The following AMACR variants were observed in gnomAD, a reference collection of about 807,000 sequenced individuals.
AMACR encodes alpha-methylacyl-CoA racemase.
In AMACR, 18 loss-of-function variants were observed where a neutral mutation model predicts 22.2. That is an observed-to-expected ratio of 0.81 (90% CI 0.56 to 1.20). AMACR has a LOEUF of 1.20. AMACR is among the 50% of genes most tolerant of loss of function. The pLI is 0.00. For synonymous variants in AMACR, 213 were observed against 191.3 expected (o/e 1.11, Z -0.94); for missense variants, 499 against 490.6 (o/e 1.02, Z -0.16).
rs373950875 is a variant in AMACR at position 33,988,560 on chromosome 5, A to G, written c.*533T>C. ...GGCATTCTGATTCAATACAGGTGAAACTTTTCTTTGCAAATTACAAAGTGT... is the reference window on the plus strand; with the variant it reads ...GGCATTCTGATTCAATACAGGTGAAGCTTTTCTTTGCAAATTACAAAGTGT... On this transcript the variant is annotated 3_prime_UTR_variant, in exon 5 of 5. Coordinates refer to ENST00000335606, the MANE Select transcript of AMACR (RefSeq NM_014324.6). The G allele has an allele frequency of 3.1e-5, 42 of 1,364,330 alleles. No individual in the cohort carries two copies. In the African/African-American group the frequency reaches 6.0e-4, roughly 19 times the overall value. The allele number at this position is 1,364,330 out of a possible 1,614,324, so 84.5% of individuals were successfully genotyped here. A position where few individuals can be genotyped will look rare whatever the true frequency, so the allele number is the denominator to read the frequency against.
In AMACR at chr5:33,988,332, T is replaced by G; in HGVS notation, c.*761A>C. 6.5e-7 allele frequency: 1 copy of G among 1,542,060 alleles called. No homozygotes were observed. The highest frequency in any genetic ancestry group is 8.7e-7 in the Non-Finnish European group (1 of 1,149,332). ...TTTATTTCTGGATGTTGCTGTGTGT[T>G]GGGTATAAGATCCAGAACTTGCTAC... is the stretch of plus-strand genomic sequence containing the variant. On this transcript the variant is annotated 3_prime_UTR_variant, in exon 5 of 5. Transcript: ENST00000335606.
At chr5:34,005,594 T>C (rs1753947666) in intron 2 of AMACR, among the ~76,000 whole-genome samples, 162 bp downstream of exon 2, 1 of 152,202 alleles carries the variant, frequency 6.6e-6, no homozygotes, top group South Asian at 2.1e-4. Flanking sequence ...TTGAGAATGA[T>C]TGTTTCAAGA....
chr5:33,991,795 C>T (rs1465672599), intron 4 of AMACR, among the ~76,000 whole-genome samples: 5 of 151,400 alleles, frequency 3.3e-5, no homozygotes, highest in African/African-American at 9.7e-5. Context: ...GGCTGGAGTG[C>T]GGTGGTGTGA....
In AMACR at chr5:33,997,767, A is replaced by G. The variant is rs116604117; in HGVS notation, c.739+874T>C. The G allele has an allele frequency of 3.4e-3, 1,756 of 512,348 alleles. 8 individuals are homozygous for G. Among genetic ancestry groups the G allele is most frequent in the Non-Finnish European group, 4.0e-3 (1,166 of 291,890 alleles). The allele number at this position is 512,348 out of a possible 1,614,324, so 31.7% of individuals were successfully genotyped here. On this transcript the variant is annotated intron_variant, in intron 4 of 4. Transcript: ENST00000335606. ...CTATATTTGAATAGGTGAAGTTAAT[A>G]TGTTTAATCATAAAATGCTCTCAGA... is the stretch of plus-strand genomic sequence containing the variant.
rs777278136 is a variant in AMACR at position 34,007,894 on chromosome 5, G to A, written c.126C>T (p.Asp42=). The A allele has an allele frequency of 2.5e-6, 4 of 1,601,500 alleles. No homozygotes were observed. In the Admixed American group the frequency reaches 5.1e-5, roughly 20 times the overall value. ...GCTTGCCCCGGCCCAAGCGGCTCAC[G>A]TCGTAGCGGGAGCCGGGCCGGTCCA... ...VRVDRPGSRY[D]VSRLGRGKRS... The change falls in exon 1 of 5, where the codon GAC becomes GAT. Residue 42 remains aspartate (D), a synonymous_variant. Coordinates refer to ENST00000335606, the MANE Select transcript of AMACR (RefSeq NM_014324.6).
rs777508901 is a variant in AMACR at position 33,988,350 on chromosome 5, C to A, written c.*743G>T. 1.9e-6 allele frequency: 3 copies of A among 1,541,346 alleles called. No homozygotes were observed. Among genetic ancestry groups the A allele is most frequent in the Non-Finnish European group, 2.6e-6 (3 of 1,148,986 alleles). ...TGTGTGTTGGGTATAAGATCCAGAA[C>A]TTGCTACCAGCCTGAGGAGAAATCA... On this transcript the variant is annotated 3_prime_UTR_variant, in exon 5 of 5. Coordinates refer to ENST00000335606, the MANE Select transcript of AMACR (RefSeq NM_014324.6).
At position 33,988,655 on chromosome 5, in the gene AMACR, G is replaced by A; in HGVS notation, c.*438C>T. ...GAACACCAAGACAAAAGGCCTGGAT[G>A]CAACCAATCACTCTGTTTCACGTGA... On this transcript the variant is annotated 3_prime_UTR_variant, in exon 5 of 5. Transcript: ENST00000335606. The A allele has an allele frequency of 8.0e-7, 1 of 1,247,486 alleles. No individual in the cohort carries two copies. Among genetic ancestry groups the A allele is most frequent in the Non-Finnish European group, 1.0e-6 (1 of 993,152 alleles). 77.3% of individuals were successfully genotyped at this position (1,247,486 alleles called of 1,614,324 possible). A position where few individuals can be genotyped will look rare whatever the true frequency, so the allele number is the denominator to read the frequency against.
At position 34,005,795 on chromosome 5, in the gene AMACR, G is replaced by A. The variant is rs763403225; in HGVS notation, c.352C>T (p.Arg118Trp). ...SGFGQSGSFC[R>W]LAGHDINYLA... ...TAGTTGATATCGTGGCCAGCTAACC[G>A]GCAGAAGCTTCCTGACTGGCCAAAT... The change falls in exon 2 of 5, where the codon CGG becomes TGG. Residue 118 changes from arginine (R) to tryptophan (W), a missense_variant. Physicochemically the swap from Arg to Trp is moderately radical, Grantham distance 101 (BLOSUM62 -3). Coordinates refer to ENST00000335606, the MANE Select transcript of AMACR (RefSeq NM_014324.6). 21 of 1,613,866 alleles carry A rather than the reference G, an allele frequency of 1.3e-5. No homozygotes were observed. In the South Asian group the frequency reaches 1.3e-4, roughly 10 times the overall value.
chr5:34,006,256 C>T (rs1488918509), intron 1 of AMACR, among the ~76,000 whole-genome samples: 1 of 152,196 alleles, frequency 6.6e-6, no homozygotes, highest in African/African-American at 2.4e-5. Flanking sequence ...CTTGCTTGTA[C>T]ATGCATACAC....
At position 33,989,489 on chromosome 5, in the gene AMACR, C is replaced by T. The variant is rs756250672; in HGVS notation, c.753G>A (p.Lys251=). Residue 251 remains lysine, a synonymous_variant, in exon 5 of 5, where the codon AAG becomes AAA. Transcript: ENST00000335606. ...YELLIKGLGL[K]SDELPNQMSM... The stretch of plus-strand genomic sequence containing the variant: ...TCATCTGATTGGGAAGTTCATCAGA[C>T]TTTAGTCCAAGTCCTGAGGAAAAAT... The T allele has an allele frequency of 6.2e-7, 1 of 1,613,828 alleles. No homozygotes were observed. Among genetic ancestry groups the T allele is most frequent in the African/African-American group, 1.3e-5 (1 of 74,920 alleles).
intron 1 of AMACR, among the ~76,000 whole-genome samples, chr5:34,007,545 G>A (rs563187422): frequency 2.6e-5 from 4 of 152,316 alleles, no homozygotes; most frequent in Admixed American, 2.6e-4. Flanking sequence ...AGAGGCAAAA[G>A]GAGAAACCGG....
chr5:33,998,678 T>G lies in AMACR; in HGVS notation c.702A>C (p.Gly234=). The G allele has an allele frequency of 1.2e-6, 2 of 1,613,518 alleles. No individual in the cohort carries two copies. Among genetic ancestry groups the G allele is most frequent in the Non-Finnish European group, 1.7e-6 (2 of 1,179,640 alleles). The part of the protein sequence containing the change: ...RTADGEFMAV[G]AIEPQFYELL... The stretch of plus-strand genomic sequence containing the variant: ...GCTCGTAGAACTGGGGTTCTATTGC[T>G]CCAACAGCCATGAATTCCCCATCTG... The change falls in exon 4 of 5, where the codon GGA becomes GGC. Residue 234 remains glycine (G), a synonymous_variant. Coordinates refer to ENST00000335606, the MANE Select transcript of AMACR (RefSeq NM_014324.6).
chr5:33,991,129 C>G (rs2112036803), intron 4 of AMACR, among the ~76,000 whole-genome samples: 1 of 152,274 alleles, frequency 6.6e-6, no homozygotes, highest in South Asian at 2.1e-4. Context: ...AAGCTAGAGC[C>G]AATGTGTTCT....
At chr5:33,998,896 T>C (rs1414810445) in intron 3 of AMACR, 69 bp from the exon 4 acceptor site, 1 of 1,499,250 alleles carries the variant, frequency 6.7e-7, no homozygotes, top group Non-Finnish European at 9.2e-7. Flanking sequence ...ATTCCTCCCA[T>C]TCAAGTTAAA....
In AMACR at chr5:33,988,984, G is replaced by A. The variant is rs1378229725; in HGVS notation, c.*109C>T. 4 of 1,553,512 alleles carry A rather than the reference G, an allele frequency of 2.6e-6. No individual in the cohort carries two copies. In the Admixed American group the frequency reaches 7.6e-5, roughly 30 times the overall value. Reference sequence around the variant, plus strand: ...CTGTAATTCTTTTCTTGATTAGAGTGGTAGGACACTGTAATACTGTTCCTC... The same window carrying A: ...CTGTAATTCTTTTCTTGATTAGAGTAGTAGGACACTGTAATACTGTTCCTC... On this transcript the variant is annotated 3_prime_UTR_variant, in exon 5 of 5. Transcript: ENST00000335606.
intron 4 of AMACR, chr5:33,997,630 GAGCTTCCAATTTAT>G: frequency 1.4e-6 from 1 of 706,472 alleles, no homozygotes; most frequent in Non-Finnish European, 2.6e-6. Flanking sequence ...TGAGCAGCCA[GAGCTTCCAATTTAT>G]TTGGAGCAGT....
intron 4 of AMACR, chr5:33,993,945 T>C (rs1753560566): frequency 2.5e-6 from 1 of 404,292 alleles, no homozygotes; most frequent in Admixed American, 3.0e-5. Context: ...ATCTATTGCT[T>C]ACCTGATTGT....
chr5:33,998,937 G>T, intron 3 of AMACR, 110 bp from the exon 4 acceptor site: 1 of 978,440 alleles, frequency 1.0e-6, no homozygotes, highest in Non-Finnish European at 1.6e-6. Context: ...TTATCTTAGA[G>T]TATACGAAGA....
intron 3 of AMACR, among the ~76,000 whole-genome samples, chr5:34,002,043 C>T (rs543017766): frequency 6.6e-6 from 1 of 152,202 alleles, no homozygotes. Flanking sequence ...GTCACCCAGG[C>T]TGAAGTGTAG....
Sources: allele counts gnomAD v4.1 joint callset (sites outside exome capture counted in the v4.1 genomes callset), GRCh38; gene constraint gnomAD v4.1.1; transcripts MANE v1.5; gene names NCBI Gene and HGNC (gene_info 2026-07-23, HGNC 2026-07-21).